Variants in SGCZ observed in about 807,000 individuals in gnomAD.
SGCZ encodes zeta-sarcoglycan.
Under a neutral mutation model 41.3 loss-of-function variants are expected in SGCZ, and 40 were observed. The ratio of observed to expected loss-of-function variants is 0.97; its 90% confidence interval spans 0.75 to 1.26. SGCZ has a LOEUF of 1.26. Ranked by LOEUF, SGCZ falls within the 50% of genes most tolerant of loss-of-function variation. The probability of loss-of-function intolerance (pLI) is 0.00; values close to 1 mark genes in which losing one functional copy is unlikely to be tolerated. For synonymous variants in SGCZ, 206 were observed against 137.5 expected, an observed-to-expected ratio of 1.50 and a Z score of -3.49; for missense variants, 552 against 369.8, an observed-to-expected ratio of 1.49 and a Z score of -4.04.
intron 1 of SGCZ, among the ~76,000 whole-genome samples, chr8:14,624,869 C>T (rs950035570): frequency 3.9e-5 from 6 of 151,964 alleles, no homozygotes; most frequent in Admixed American, 3.9e-4. Flanking sequence ...CCACACCGGG[C>T]TATCACTCCC....
In SGCZ at chr8:14,142,798, T is replaced by A. The variant is rs548013646; in HGVS notation, c.547+21782A>T. Among the ~76,000 whole-genome samples the A allele has an allele frequency of 5.3e-5, 8 of 152,082 alleles. 1 individual carries two copies. The South Asian group carries it at 1.7e-3, about 31-fold the overall frequency. On this transcript the variant is annotated intron_variant, in intron 5 of 7. Coordinates refer to ENST00000382080, the MANE Select transcript of SGCZ (RefSeq NM_139167.4). The stretch of plus-strand genomic sequence containing the variant: ...CTGTCATCCCTGTTGTGAGTTCTTG[T>A]GAGATCTGGTTGTTTAAAAGTGTGT...
chr8:15,045,018 T>C (rs1474931120), intron 1 of SGCZ, among the ~76,000 whole-genome samples: 2 of 152,100 alleles, frequency 1.3e-5, no homozygotes, highest in Non-Finnish European at 2.9e-5. Flanking sequence ...TACAGGATGC[T>C]GAATGCATAT....
intron 1 of SGCZ, among the ~76,000 whole-genome samples, chr8:15,223,459 T>C (rs1010515552): frequency 6.6e-6 from 1 of 152,208 alleles, no homozygotes; most frequent in East Asian, 1.9e-4. Context: ...CCTAGAAATA[T>C]GTAGTAAATC....
chr8:14,950,294 C>T (rs1323984462), intron 1 of SGCZ, among the ~76,000 whole-genome samples: 1 of 151,916 alleles, frequency 6.6e-6, no homozygotes, highest in Non-Finnish European at 1.5e-5. Flanking sequence ...TATTGCCAAG[C>T]ACATGTATAA....
At position 14,249,455 on chromosome 8, in the gene SGCZ, G is replaced by C. The variant is rs761862294; in HGVS notation, c.337-11776C>G. 5.9e-5 allele frequency among the ~76,000 whole-genome samples: 9 copies of C among 151,978 alleles called. No individual in the cohort carries two copies. In the South Asian group the frequency reaches 8.3e-4, roughly 14 times the overall value. ...TTGGTCTGTTTCTCTAGAGAACCCA[G>C]ACTAATACAGCAACCATATTATTTA... On this transcript the variant is annotated intron_variant, in intron 3 of 7. Coordinates refer to ENST00000382080, the MANE Select transcript of SGCZ (RefSeq NM_139167.4).
intron 1 of SGCZ, among the ~76,000 whole-genome samples, chr8:14,632,881 A>G (rs555762683): frequency 2.0e-5 from 3 of 152,090 alleles, no homozygotes; most frequent in Non-Finnish European, 4.4e-5. Context: ...AAATACATCA[A>G]TAAAGTTATT....
At chr8:14,564,497 T>TGC (rs1172224015) in intron 1 of SGCZ, among the ~76,000 whole-genome samples, 8 of 152,098 alleles carry the variant, frequency 5.3e-5, no homozygotes, top group Non-Finnish European at 1.2e-4. Context: ...TCCTCAAAGC[T>TGC]CAAATGCATA....
At chr8:14,710,795 GAAC>G (rs1470878491) in intron 1 of SGCZ, among the ~76,000 whole-genome samples, 9 of 152,154 alleles carry the variant, frequency 5.9e-5, no homozygotes, top group African/African-American at 2.2e-4. Context: ...ATAGTACTTG[GAAC>G]AACAACATAA....
chr8:15,219,752 AC>A (rs1801529646), intron 1 of SGCZ, among the ~76,000 whole-genome samples: 1 of 152,144 alleles, frequency 6.6e-6, no homozygotes, highest in Non-Finnish European at 1.5e-5. Flanking sequence ...ATTCCCAATC[AC>A]CTACTCACTT....
intron 2 of SGCZ, among the ~76,000 whole-genome samples, chr8:14,549,726 G>C (rs1803742517): frequency 6.6e-6 from 1 of 151,890 alleles, no homozygotes; most frequent in Non-Finnish European, 1.5e-5. Context: ...CCTATCACAG[G>C]GATGAGATAC....
intron 1 of SGCZ, among the ~76,000 whole-genome samples, chr8:15,085,210 C>A (rs1299589987): frequency 6.6e-6 from 1 of 152,040 alleles, no homozygotes; most frequent in Non-Finnish European, 1.5e-5. Context: ...AAATCCAAAC[C>A]CTACTCACAG....
chr8:14,512,134 T>G (rs184541277), intron 2 of SGCZ, among the ~76,000 whole-genome samples: 12 of 152,222 alleles, frequency 7.9e-5, no homozygotes, highest in Admixed American at 7.2e-4. Context: ...AGCTGAGTAT[T>G]TTCTACTCTG....
At chr8:14,624,928 T>C (rs143232270) in intron 1 of SGCZ, among the ~76,000 whole-genome samples, 53 of 152,270 alleles carry the variant, frequency 3.5e-4, no homozygotes, top group African/African-American at 1.3e-3. Flanking sequence ...ACAAAAGGTA[T>C]AGATCGTCCT....
chr8:14,317,532 A>G (rs1383562222), intron 3 of SGCZ, among the ~76,000 whole-genome samples: 2 of 152,018 alleles, frequency 1.3e-5, no homozygotes, highest in Admixed American at 6.6e-5. Context: ...GCTTTTCCAC[A>G]CAAGCACAGG....
chr8:15,003,995 G>C (rs1279613090), intron 1 of SGCZ, among the ~76,000 whole-genome samples: 1 of 152,072 alleles, frequency 6.6e-6, no homozygotes, highest in African/African-American at 2.4e-5. Flanking sequence ...GAGCAGGAGG[G>C]GGGAAGCCCC....
At chr8:14,499,697 A>G (rs1490589237) in intron 2 of SGCZ, among the ~76,000 whole-genome samples, 1 of 151,926 alleles carries the variant, frequency 6.6e-6, no homozygotes, top group African/African-American at 2.4e-5. Context: ...TTGCCTTCAA[A>G]TTTTTAAATT....
At position 15,009,435 on chromosome 8, in the gene SGCZ, G is replaced by T. The variant is rs973333348; in HGVS notation, c.39+228150C>A. Among the ~76,000 whole-genome samples, 4 of 133,860 alleles carry T rather than the reference G, an allele frequency of 3.0e-5. No individual in the cohort carries two copies. In the East Asian group the frequency reaches 8.4e-4, roughly 28 times the overall value. The allele number at this position is 133,860 out of a possible 152,430, so 87.8% of individuals were successfully genotyped here. ...TACAATTCTACATGAGATTTGGGTG[G>T]GGACAGAAATCCAAACCGTATCACA... is the stretch of plus-strand genomic sequence containing the variant. On this transcript the variant is annotated intron_variant, in intron 1 of 7. Coordinates refer to ENST00000382080, the MANE Select transcript of SGCZ (RefSeq NM_139167.4).
chr8:14,374,363 G>T (rs1230556847), intron 2 of SGCZ, among the ~76,000 whole-genome samples: 2 of 152,048 alleles, frequency 1.3e-5, no homozygotes, highest in East Asian at 1.9e-4. Context: ...AAAAAAAGAT[G>T]ATTTGGTACA....
rs1053461148 is a variant in SGCZ, at chr8:14,183,799, T to C, written c.425-19097A>G. Among the ~76,000 whole-genome samples the C allele has an allele frequency of 2.6e-5, 4 of 152,152 alleles. No homozygotes were observed. The South Asian group carries it at 8.3e-4, about 31-fold the overall frequency. On this transcript the variant is annotated intron_variant, in intron 4 of 7. Coordinates refer to ENST00000382080, the MANE Select transcript of SGCZ (RefSeq NM_139167.4). ...CCTATTGTTAAGTTATATTAAGCAT[T>C]ATTCTGGAGGTCCTAACCAGAGGAA...
Sources: allele counts gnomAD v4.1 joint callset (sites outside exome capture counted in the v4.1 genomes callset), GRCh38; gene constraint gnomAD v4.1.1; transcripts MANE v1.5; gene names NCBI Gene and HGNC (gene_info 2026-07-23, HGNC 2026-07-21).